RBKS: variants seen among roughly 807,000 people sequenced by gnomAD.
RBKS encodes the protein ribokinase.
Under a neutral mutation model 33.9 loss-of-function variants are expected in RBKS, and 33 were observed. The ratio of observed to expected loss-of-function variants is 0.97; its 90% CI spans 0.74 to 1.30. The LOEUF is 1.30. RBKS is among the 50% of genes most tolerant of loss of function. The pLI, the probability that RBKS is intolerant of heterozygous loss-of-function variation, is 0.00. For synonymous variants in RBKS, 125 were observed against 143.0 expected (o/e 0.87, Z 0.90); for missense variants, 361 against 392.6 (o/e 0.92, Z 0.68).
intron 2 of RBKS, among the ~76,000 whole-genome samples, chr2:27,855,636 C>T (rs1383319562): frequency 6.6e-6 from 1 of 152,244 alleles, no homozygotes; most frequent in Non-Finnish European, 1.5e-5. Flanking sequence ...AAAATACCAT[C>T]TCCAGTTATC....
chr2:27,801,584 C>T (rs1573037707), intron 7 of RBKS, among the ~76,000 whole-genome samples: 1 of 151,626 alleles, frequency 6.6e-6, no homozygotes, highest in Non-Finnish European at 1.5e-5. Context: ...ATATTCAGTA[C>T]AAACTGTAAT....
intron 1 of RBKS, among the ~76,000 whole-genome samples, chr2:27,864,481 A>C (rs1239974076): frequency 6.6e-6 from 1 of 152,140 alleles, no homozygotes; most frequent in Non-Finnish European, 1.5e-5. Flanking sequence ...ATGTGTGAAA[A>C]AGTGTACCAG....
At chr2:27,860,975 C>CTT (rs386389784) in intron 1 of RBKS, among the ~76,000 whole-genome samples, 19 of 149,688 alleles carry the variant, frequency 1.3e-4, no homozygotes, top group Middle Eastern at 3.4e-3. Flanking sequence ...CTCTTTCTCT[C>CTT]TTTTTTTTTT....
At chr2:27,809,953 G>T (rs1187715347) in intron 7 of RBKS, 2 of 1,304,050 alleles carry the variant, frequency 1.5e-6, no homozygotes, top group Non-Finnish European at 2.0e-6. Flanking sequence ...TCAGTAGGCA[G>T]TTGCTGTTAT....
intron 7 of RBKS, among the ~76,000 whole-genome samples, chr2:27,789,376 C>G (rs1368960766): frequency 1.3e-5 from 2 of 148,680 alleles, no homozygotes; most frequent in Non-Finnish European, 3.0e-5. Flanking sequence ...CAGGTCGGCA[C>G]TAAAAAAATT....
chr2:27,790,059 GGCTCAAGGGATCTACCT>G lies in RBKS; in HGVS notation c.796-8288_796-8272del, dbSNP rs1372144423. 1.3e-4 allele frequency among the ~76,000 whole-genome samples: 20 copies of G among 149,802 alleles called. No homozygotes were observed. In the East Asian group the frequency reaches 2.8e-3, roughly 21 times the overall value. Reference sequence around the variant, plus strand: ...TGCCCAGGCTGGTCTTGAACTCCTAGGCTCAAGGGATCTACCTGCCTTGGCCTCTTGAAGTGCTGAGA... The same window carrying G: ...TGCCCAGGCTGGTCTTGAACTCCTAGGCCTTGGCCTCTTGAAGTGCTGAGA... On this transcript the variant is annotated intron_variant, in intron 7 of 7. Transcript: ENST00000302188.
At chr2:27,874,043 C>A (rs1432471236) in intron 1 of RBKS, among the ~76,000 whole-genome samples, 9 of 152,152 alleles carry the variant, frequency 5.9e-5, no homozygotes, top group Non-Finnish European at 1.3e-4. Context: ...ATTTTAAATG[C>A]TCATATGAAG....
intron 6 of RBKS, 52 bp downstream of exon 6, chr2:27,832,634 C>T (rs1030236863): frequency 8.5e-7 from 1 of 1,173,164 alleles, no homozygotes; most frequent in South Asian, 1.2e-5. Flanking sequence ...GCTTTATCCA[C>T]TTGTACAAAC....
At chr2:27,885,005 G>A (rs535643733) in intron 1 of RBKS, among the ~76,000 whole-genome samples, 11 of 151,744 alleles carry the variant, frequency 7.2e-5, no homozygotes, top group Non-Finnish European at 1.6e-4. Flanking sequence ...TTATATCTCC[G>A]GGTTGGACCT....
At chr2:27,788,041 T>C (rs1308803194) in intron 7 of RBKS, among the ~76,000 whole-genome samples, 4 of 152,186 alleles carry the variant, frequency 2.6e-5, no homozygotes, top group Non-Finnish European at 5.9e-5. Context: ...CTACATTCAT[T>C]CATGATAAAA....
intron 7 of RBKS, among the ~76,000 whole-genome samples, chr2:27,820,560 TCTC>T (rs1379962292): frequency 5.1e-4 from 53 of 103,480 alleles, no homozygotes; most frequent in African/African-American, 1.4e-3. Context: ...TCTCTCTCTC[TCTC>T]TCTCTCTCTC....
Position 27,890,003 on chromosome 2 carries a change from G to C in RBKS, c.89+254C>G. On this transcript the variant is annotated intron_variant, in intron 1 of 7. Transcript: ENST00000302188. The surrounding 1 kb of genome is among the most constrained non-coding windows in gnomAD (Gnocchi z 4.8). ...AGTCTTTGGAGGGCAGGTCTTTGGGGAGCGCTTTGAGTAATATTAGAGCTT... is the reference window on the plus strand; with the variant it reads ...AGTCTTTGGAGGGCAGGTCTTTGGGCAGCGCTTTGAGTAATATTAGAGCTT... 1 of 386,696 alleles carries C rather than the reference G, an allele frequency of 2.6e-6. No homozygotes were observed. Among genetic ancestry groups the C allele is most frequent in the Non-Finnish European group, 4.7e-6 (1 of 214,124 alleles). The allele number at this position is 386,696 out of a possible 1,614,324, so 24.0% of individuals were successfully genotyped here.
intron 7 of RBKS, among the ~76,000 whole-genome samples, chr2:27,784,230 G>A (rs1464471202): frequency 6.6e-6 from 1 of 151,634 alleles, no homozygotes; most frequent in African/African-American, 2.4e-5. Flanking sequence ...TGATCCGCCC[G>A]CCTCGGCCTC....
chr2:27,843,301 GA>G, intron 4 of RBKS, 70 bp from the exon 5 acceptor site: 1 of 1,161,810 alleles, frequency 8.6e-7, no homozygotes, highest in Middle Eastern at 2.0e-4. Context: ...GCAGTGTTAT[GA>G]ATACAATCGC....
chr2:27,878,221 C>A (rs576892891), intron 1 of RBKS, among the ~76,000 whole-genome samples: 23 of 151,830 alleles, frequency 1.5e-4, no homozygotes, highest in African/African-American at 5.1e-4. Context: ...GTGATGTTCC[C>A]CTTCCTGTGT....
Position 27,827,679 on chromosome 2 carries a change from C to A in RBKS, c.683G>T (p.Gly228Val). 6.2e-7 allele frequency: 1 copy of A among 1,613,888 alleles called. No individual in the cohort carries two copies. Among genetic ancestry groups the A allele is most frequent in the Non-Finnish European group, 8.5e-7 (1 of 1,179,934 alleles). Reference sequence around the variant, plus strand: ...TAAGGTAATGATTACCACCTGGCAGCCCCTTTTCAAGAGCACTAATGCAGC... The same window carrying A: ...TAAGGTAATGATTACCACCTGGCAGACCCTTTTCAAGAGCACTAATGCAGC... ...GEAALVLLKR[G>V]CQVVIITLGA... Residue 228 changes from glycine (G) to valine (V), a missense_variant, in exon 7 of 8, where the codon GGC becomes GTC. By Grantham distance (109) the Gly-to-Val change is moderately radical (BLOSUM62 -3). Transcript: ENST00000302188.
At chr2:27,835,424 C>T (rs1460341404) in intron 5 of RBKS, among the ~76,000 whole-genome samples, 1 of 125,354 alleles carries the variant, frequency 8.0e-6, no homozygotes, top group Admixed American at 8.2e-5. Context: ...ACTACCCACC[C>T]ACCCCACCCC....
chr2:27,856,353 A>G (rs1319058451), intron 2 of RBKS, among the ~76,000 whole-genome samples: 1 of 152,188 alleles, frequency 6.6e-6, no homozygotes, highest in Non-Finnish European at 1.5e-5. Context: ...TGCTAACATA[A>G]ACCATCACAC....
At chr2:27,803,302 T>G (rs1677834333) in intron 7 of RBKS, among the ~76,000 whole-genome samples, 1 of 152,208 alleles carries the variant, frequency 6.6e-6, no homozygotes, top group Non-Finnish European at 1.5e-5. Flanking sequence ...AAGTGCTGAC[T>G]TTTTTTCTAA....
Sources: allele counts gnomAD v4.1 joint callset (sites outside exome capture counted in the v4.1 genomes callset), GRCh38; gene constraint gnomAD v4.1.1; non-coding constraint Gnocchi (gnomAD v3.1); transcripts MANE v1.5; gene names NCBI Gene and HGNC (gene_info 2026-07-23, HGNC 2026-07-21).